Variants in PCDHGA2 observed in about 807,000 individuals in gnomAD.
PCDHGA2 encodes protocadherin gamma-A2.
A neutral mutation model predicts 59.2 loss-of-function variants in PCDHGA2; 40 were observed. The observed-to-expected ratio is 0.68, with a 90% CI of 0.52 to 0.88. The LOEUF (loss-of-function observed/expected upper bound fraction) is 0.88, where lower values mean the gene tolerates loss of function less well. Ranked by LOEUF, PCDHGA2 falls within the 40% of genes least tolerant of loss-of-function variation. PCDHGA2 has a pLI of 0.00. For synonymous variants in PCDHGA2, 560 were observed against 526.0 expected, an observed-to-expected ratio of 1.06 and a Z score of -0.89; for missense variants, 1,226 against 1,204.0, an observed-to-expected ratio of 1.02 and a Z score of -0.27.
intron 1 of PCDHGA2, chr5:141,427,612 T>G (rs975527074): frequency 2.9e-6 from 2 of 691,298 alleles, no homozygotes; most frequent in African/African-American, 1.8e-5. Flanking sequence ...ATTGGTGAAG[T>G]CAACGACAAT....
intron 1 of PCDHGA2, among the ~76,000 whole-genome samples, chr5:141,358,054 G>A (rs1760803324): frequency 6.6e-6 from 1 of 152,172 alleles, no homozygotes; most frequent in African/African-American, 2.4e-5. Flanking sequence ...GCTAGGCGTG[G>A]TGGTGTGTGC....
Position 141,485,468 on chromosome 5 carries a change from A to G in PCDHGA2, c.2425-9339A>G. On this transcript the variant is annotated intron_variant, in intron 1 of 3. Coordinates refer to ENST00000394576, the MANE Select transcript of PCDHGA2 (RefSeq NM_018915.4). This position sits in a 1 kb window ranked among gnomAD's most constrained non-coding sequence, Gnocchi z 5.7. The stretch of plus-strand genomic sequence containing the variant: ...CGACCGAGAGGCACTGTGTGGGCTC[A>G]GTGCCAGCTGCATCGTGCCCCTGGA... 1 of 1,614,166 alleles carries G rather than the reference A, an allele frequency of 6.2e-7. No homozygotes were observed. Among genetic ancestry groups the G allele is most frequent in the Non-Finnish European group, 8.5e-7 (1 of 1,180,020 alleles).
chr5:141,388,941 C>G, intron 1 of PCDHGA2: 1 of 1,613,962 alleles, frequency 6.2e-7, no homozygotes, highest in South Asian at 1.1e-5. Context: ...TCTACCCAAC[C>G]TAATTATGGA....
At chr5:141,375,231 C>T in intron 1 of PCDHGA2, 1 of 1,613,964 alleles carries the variant, frequency 6.2e-7, no homozygotes, top group East Asian at 2.2e-5. Flanking sequence ...GGCCTGGTAA[C>T]CTGTTCCATC....
intron 1 of PCDHGA2, among the ~76,000 whole-genome samples, chr5:141,438,747 T>C (rs2098059577): frequency 6.7e-6 from 1 of 148,680 alleles, no homozygotes. Flanking sequence ...CTGCAACCTC[T>C]GCCTCCTGGG....
intron 1 of PCDHGA2, chr5:141,479,521 T>C (rs4912607): frequency 0.2 from 30,680 of 152,154 alleles, 3,215 homozygotes; most frequent in Admixed American, 0.29. Flanking sequence ...CTGGCCCAGG[T>C]TGGAAGTGGA....
chr5:141,476,438 C>G lies in PCDHGA2; in HGVS notation c.2425-18369C>G. On this transcript the variant is annotated intron_variant, in intron 1 of 3. Coordinates refer to ENST00000394576, the MANE Select transcript of PCDHGA2 (RefSeq NM_018915.4). This position sits in a 1 kb window ranked among gnomAD's most constrained non-coding sequence, Gnocchi z 7.6. The stretch of plus-strand genomic sequence containing the variant: ...GACACTGCCCTCTTGCACTGTAACT[C>G]TGGAGTTGGTAGTGGAGAACCCGCT... 1 of 1,614,090 alleles carries G rather than the reference C, an allele frequency of 6.2e-7. No homozygotes were observed. Among genetic ancestry groups the G allele is most frequent in the Non-Finnish European group, 8.5e-7 (1 of 1,180,026 alleles).
intron 1 of PCDHGA2, among the ~76,000 whole-genome samples, chr5:141,481,743 G>C (rs1257734207): frequency 1.3e-5 from 2 of 152,096 alleles, no homozygotes; most frequent in Non-Finnish European, 2.9e-5. Context: ...CACGAGGTCA[G>C]GAGTCCAAGA....
At chr5:141,421,141 G>A (rs7732160) in intron 1 of PCDHGA2, 49,996 of 938,386 alleles carry the variant, frequency 0.053, 1,680 homozygotes, top group African/African-American at 0.14. Flanking sequence ...TATTTTGGAT[G>A]TAGTCGGCCT....
intron 1 of PCDHGA2, among the ~76,000 whole-genome samples, chr5:141,469,029 C>A (rs2099189188): frequency 6.6e-6 from 1 of 152,052 alleles, no homozygotes; most frequent in Non-Finnish European, 1.5e-5. Flanking sequence ...GTAATCCCAG[C>A]ACTTTGGGAG....
chr5:141,410,849 C>CTTTTTTTTTTTT lies in PCDHGA2; in HGVS notation c.2424+69465_2424+69476dup. The CTTTTTTTTTTTT allele has an allele frequency of 2.7e-3, 375 of 138,154 alleles. 24 individuals are homozygous for CTTTTTTTTTTTT. The highest frequency in any genetic ancestry group is 6.9e-3 in the African/African-American group (114 of 16,622). 8.6% of individuals were successfully genotyped at this position (138,154 alleles called of 1,614,324 possible). ...CAGACTGAAGATATTTTGTCTTTGTCTTTTTTTTTTTTTTTTTTTTTTGAG... is the reference window on the plus strand; with the variant it reads ...CAGACTGAAGATATTTTGTCTTTGTCTTTTTTTTTTTTTTTTTTTTTTTTTTTTTTTTTTGAG... On this transcript the variant is annotated intron_variant, in intron 1 of 3. Coordinates refer to ENST00000394576, the MANE Select transcript of PCDHGA2 (RefSeq NM_018915.4).
At chr5:141,356,667 C>T (rs886604200) in intron 1 of PCDHGA2, 1 of 1,613,920 alleles carries the variant, frequency 6.2e-7, no homozygotes, top group Admixed American at 1.7e-5. Flanking sequence ...GAATCACTTA[C>T]TCCCTGGCCG....
intron 1 of PCDHGA2, among the ~76,000 whole-genome samples, chr5:141,359,823 CAT>C (rs1451386722): frequency 2.0e-5 from 3 of 152,068 alleles, no homozygotes; most frequent in African/African-American, 7.2e-5. Flanking sequence ...GAATATTTCA[CAT>C]ATTTTAAAAC....
intron 1 of PCDHGA2, chr5:141,419,231 C>G (rs1309708358): frequency 2.5e-6 from 4 of 1,614,026 alleles, no homozygotes; most frequent in Admixed American, 1.7e-5. Context: ...GTCAGCCTAC[C>G]TGGTCCACGT....
At chr5:141,439,266 G>A (rs1314903524) in intron 1 of PCDHGA2, among the ~76,000 whole-genome samples, 1 of 151,952 alleles carries the variant, frequency 6.6e-6, no homozygotes, top group Non-Finnish European at 1.5e-5. Context: ...TCAGCCAACA[G>A]TTCATTCTGA....
At chr5:141,419,125 C>T in intron 1 of PCDHGA2, 1 of 1,613,852 alleles carries the variant, frequency 6.2e-7, no homozygotes, top group South Asian at 1.1e-5. Flanking sequence ...ACGTCACCAT[C>T]GCAGCCACAG....
chr5:141,364,482 A>G, intron 1 of PCDHGA2: 1 of 1,614,024 alleles, frequency 6.2e-7, no homozygotes, highest in South Asian at 1.1e-5. Flanking sequence ...ATAGCCAAGG[A>G]CCTTGGGCTG....
At chr5:141,345,595 A>C in intron 1 of PCDHGA2, 1 of 1,614,152 alleles carries the variant, frequency 6.2e-7, no homozygotes, top group Non-Finnish European at 8.5e-7. Flanking sequence ...AGATCCTTCG[A>C]CTACGAGCAA....
intron 1 of PCDHGA2, among the ~76,000 whole-genome samples, chr5:141,482,326 G>T (rs982211258): frequency 6.6e-6 from 1 of 152,072 alleles, no homozygotes. Context: ...AAAATAAAGA[G>T]AATATCTACT....
Sources: gnomAD v4.1 joint callset for allele counts (sites outside exome capture counted in the v4.1 genomes callset) on GRCh38, gnomAD v4.1.1 for gene constraint, Gnocchi (gnomAD v3.1) non-coding constraint, MANE v1.5 for transcripts, NCBI Gene and HGNC (gene_info 2026-07-23, HGNC 2026-07-21) for gene names.